Variants in CSMD1 observed in about 807,000 individuals in gnomAD.
CSMD1 encodes the protein CUB and sushi domain-containing protein 1.
In CSMD1, 213 loss-of-function variants were observed where a neutral mutation model predicts 417.5. The observed-to-expected ratio is 0.51, with a 90% CI of 0.46 to 0.57. The LOEUF (loss-of-function observed/expected upper bound fraction) is 0.57, where lower values mean the gene tolerates loss of function less well. Among genes scored for constraint, CSMD1 ranks in the 20% least tolerant of loss-of-function variants. The probability of loss-of-function intolerance (pLI) is 0.00; values close to 1 mark genes in which losing one functional copy is unlikely to be tolerated. For synonymous variants in CSMD1, 2,862 were observed against 1,736.8 expected (o/e 1.65, Z -16.11); for missense variants, 6,923 against 4,529.7 (o/e 1.53, Z -15.17).
intron 6 of CSMD1, among the ~76,000 whole-genome samples, chr8:3,744,290 G>T (rs919407998): frequency 6.6e-6 from 1 of 152,112 alleles, no homozygotes; most frequent in Admixed American, 6.6e-5. Flanking sequence ...TTGAAAAGGC[G>T]GATGGGGACA....
At chr8:4,903,409 C>A (rs953375875) in intron 1 of CSMD1, among the ~76,000 whole-genome samples, 4 of 152,128 alleles carry the variant, frequency 2.6e-5, no homozygotes, top group African/African-American at 7.2e-5. Flanking sequence ...GAAGTCCAAG[C>A]AGTTGAGTGA....
At chr8:3,280,157 T>C (rs1196687815) in intron 26 of CSMD1, among the ~76,000 whole-genome samples, 2 of 152,104 alleles carry the variant, frequency 1.3e-5, no homozygotes, top group African/African-American at 4.8e-5. Context: ...GGGCTTCTTA[T>C]TGGAATAACC....
chr8:3,793,517 C>A (rs1281021335), intron 5 of CSMD1, among the ~76,000 whole-genome samples: 1 of 149,770 alleles, frequency 6.7e-6, no homozygotes, highest in Non-Finnish European at 1.5e-5. Context: ...CTAGGTGGAT[C>A]TCTGGATTCG....
At chr8:4,270,078 A>G (rs976421061) in intron 3 of CSMD1, among the ~76,000 whole-genome samples, 2 of 152,148 alleles carry the variant, frequency 1.3e-5, no homozygotes, top group Non-Finnish European at 2.9e-5. Flanking sequence ...CTGAGGAGAG[A>G]AACATGATCA....
At chr8:3,794,618 A>AT (rs33913201) in intron 5 of CSMD1, among the ~76,000 whole-genome samples, 87,359 of 151,614 alleles carry the variant, frequency 0.58, 26,726 homozygotes, top group Non-Finnish European at 0.68. Flanking sequence ...ATTAATAATT[A>AT]TTTTTTAATT....
chr8:4,142,617 G>C (rs1803858277), intron 3 of CSMD1, among the ~76,000 whole-genome samples: 1 of 151,006 alleles, frequency 6.6e-6, no homozygotes. Context: ...AGCAGCACTG[G>C]CTCTGTATTT....
chr8:3,198,147 G>A (rs1195236185), intron 33 of CSMD1, among the ~76,000 whole-genome samples: 1 of 152,082 alleles, frequency 6.6e-6, no homozygotes, highest in Non-Finnish European at 1.5e-5. Flanking sequence ...TAAAATACAT[G>A]CCTACCAAGG....
intron 51 of CSMD1, among the ~76,000 whole-genome samples, chr8:3,027,736 G>C (rs1324802872): frequency 6.6e-6 from 1 of 152,162 alleles, no homozygotes; most frequent in Non-Finnish European, 1.5e-5. Flanking sequence ...CTCCGTGTCA[G>C]AAACACCAGA....
chr8:4,890,978 G>C (rs1239546211), intron 1 of CSMD1, among the ~76,000 whole-genome samples: 1 of 152,098 alleles, frequency 6.6e-6, no homozygotes, highest in Non-Finnish European at 1.5e-5. Context: ...TGATTTCATA[G>C]TAAGAACACA....
chr8:2,959,824 A>G (rs1168784727), intron 62 of CSMD1, among the ~76,000 whole-genome samples: 1 of 152,232 alleles, frequency 6.6e-6, no homozygotes, highest in African/African-American at 2.4e-5. Flanking sequence ...AGGAAGAAAT[A>G]AAAACATTTG....
rs373538107 is a variant in CSMD1, at chr8:4,419,942, C to T, written c.415+11G>A. 3.9e-6 allele frequency: 6 copies of T among 1,533,266 alleles called. No individual in the cohort carries two copies. In the African/African-American group the frequency reaches 5.5e-5, roughly 14 times the overall value. 95.0% of individuals were successfully genotyped at this position (1,533,266 alleles called of 1,614,324 possible). A position where few individuals can be genotyped will look rare whatever the true frequency, so the allele number is the denominator to read the frequency against. On this transcript the variant is annotated intron_variant, in intron 3 of 69. Coordinates refer to ENST00000635120, the MANE Select transcript of CSMD1 (RefSeq NM_033225.6). ...AGTGAATGCATGTGCAAAACACAAC[C>T]AATCTCCTACCTTCATATAATGCTT...
intron 3 of CSMD1, among the ~76,000 whole-genome samples, chr8:4,119,946 G>C (rs1001904258): frequency 1.1e-4 from 1 of 8,902 alleles, no homozygotes; most frequent in Non-Finnish European, 3.3e-4. Flanking sequence ...ATGGTTAATA[G>C]GTATCAAAAA....
At chr8:4,437,379 C>A (rs947157135) in intron 2 of CSMD1, among the ~76,000 whole-genome samples, 5 of 152,102 alleles carry the variant, frequency 3.3e-5, no homozygotes, top group African/African-American at 9.7e-5. Flanking sequence ...TGTATGTGAA[C>A]AACTTACTGT....
At chr8:3,712,277 G>C (rs372396477) in intron 6 of CSMD1, among the ~76,000 whole-genome samples, 4 of 152,008 alleles carry the variant, frequency 2.6e-5, no homozygotes, top group Admixed American at 6.5e-5. Flanking sequence ...CACGTTTTTT[G>C]GGTTCTCCTC....
At chr8:3,692,986 AT>A (rs1800336104) in intron 7 of CSMD1, among the ~76,000 whole-genome samples, 1 of 152,196 alleles carries the variant, frequency 6.6e-6, no homozygotes, top group Admixed American at 6.5e-5. Context: ...TGACTTCTTT[AT>A]CATCAAAAGT....
At position 3,896,216 on chromosome 8, in the gene CSMD1, T is replaced by C. The variant is rs79344156; in HGVS notation, c.818+101687A>G. On this transcript the variant is annotated intron_variant, in intron 5 of 69. Transcript: ENST00000635120. ...CCCTGTGACAAACATCTTCCAATTC[T>C]ATAGCCTGGTTGCTGTCACCAAAAT... Among the ~76,000 whole-genome samples the C allele has an allele frequency of 9.2e-5, 14 of 152,284 alleles. No homozygotes were observed. The East Asian group carries it at 2.5e-3, about 27-fold the overall frequency.
At chr8:3,989,141 T>G (rs1264498100) in intron 5 of CSMD1, among the ~76,000 whole-genome samples, 2 of 152,174 alleles carry the variant, frequency 1.3e-5, no homozygotes, top group Non-Finnish European at 2.9e-5. Flanking sequence ...GGGGCGGGCA[T>G]TTTGCTAAGG....
intron 1 of CSMD1, among the ~76,000 whole-genome samples, chr8:4,849,423 A>G (rs1243492207): frequency 6.6e-6 from 1 of 152,046 alleles, no homozygotes; most frequent in Non-Finnish European, 1.5e-5. Flanking sequence ...TAAGTTTGCT[A>G]TACCCTCAGT....
At chr8:3,715,761 T>C (rs1003401721) in intron 6 of CSMD1, among the ~76,000 whole-genome samples, 2 of 152,164 alleles carry the variant, frequency 1.3e-5, no homozygotes, top group African/African-American at 4.8e-5. Flanking sequence ...CAAACTGGTC[T>C]CAAACTCCCG....
Sources: gnomAD v4.1 joint callset for allele counts (sites outside exome capture counted in the v4.1 genomes callset) on GRCh38, gnomAD v4.1.1 for gene constraint, MANE v1.5 for transcripts, NCBI Gene and HGNC (gene_info 2026-07-23, HGNC 2026-07-21) for gene names.